EFCAB8: variants seen among roughly 807,000 people sequenced by gnomAD.
EFCAB8 encodes the protein EF-hand calcium-binding domain-containing protein 8.
EFCAB8 carries 100 observed loss-of-function variants against 116.3 expected under a neutral mutation model. The ratio of observed to expected loss-of-function variants is 0.86; its 90% CI spans 0.73 to 1.02. The LOEUF is 1.02. Among genes scored for constraint, EFCAB8 ranks in the 50% least tolerant of loss-of-function variants. The pLI, the probability that EFCAB8 is intolerant of heterozygous loss-of-function variation, is 0.00. For missense variants in EFCAB8, 1,320 were observed against 1,416.9 expected (o/e 0.93, Z 1.10); for synonymous variants, 558 against 567.9 (o/e 0.98, Z 0.25).
intron 22 of EFCAB8, among the ~76,000 whole-genome samples, chr20:32,932,482 G>A (rs1188025091): frequency 1.3e-5 from 2 of 152,150 alleles, no homozygotes; most frequent in Admixed American, 6.5e-5. Flanking sequence ...GGCTTACAGC[G>A]AAGAGTCTAA....
chr20:32,880,774 T>C (rs558948700), intron 5 of EFCAB8, among the ~76,000 whole-genome samples: 62 of 152,252 alleles, frequency 4.1e-4, no homozygotes, highest in African/African-American at 1.4e-3. Flanking sequence ...TGTTCAGCCA[T>C]AGGGAAGCTC....
intron 20 of EFCAB8, among the ~76,000 whole-genome samples, chr20:32,923,346 G>A (rs1034003862): frequency 3.3e-5 from 5 of 151,944 alleles, no homozygotes; most frequent in Non-Finnish European, 7.4e-5. Flanking sequence ...ATTAGCCAGG[G>A]GTGGCAGCAT....
At chr20:32,904,018 G>T (rs969934418) in intron 11 of EFCAB8, among the ~76,000 whole-genome samples, 5 of 151,960 alleles carry the variant, frequency 3.3e-5, no homozygotes, top group Admixed American at 2.6e-4. Flanking sequence ...GGATTTTTTG[G>T]GTTTTTTTTT....
intron 16 of EFCAB8, among the ~76,000 whole-genome samples, 198 bp from the exon 17 acceptor site, chr20:32,912,596 A>G (rs1216353116): frequency 6.6e-6 from 1 of 152,054 alleles, no homozygotes; most frequent in Non-Finnish European, 1.5e-5. Flanking sequence ...TGCCTACCCT[A>G]TCTCACTCCC....
chr20:32,944,118 AG>A (rs1188799144), intron 23 of EFCAB8, among the ~76,000 whole-genome samples: 1 of 152,198 alleles, frequency 6.6e-6, no homozygotes, highest in African/African-American at 2.4e-5. Context: ...ACAAACCAGA[AG>A]GGTTCAGCTT....
intron 5 of EFCAB8, among the ~76,000 whole-genome samples, chr20:32,879,955 T>C (rs150400786): frequency 4.4e-4 from 67 of 152,262 alleles, no homozygotes; most frequent in African/African-American, 1.5e-3. Flanking sequence ...CTGGACTCCC[T>C]AAGCATGAGG....
rs1468117888 is a variant in EFCAB8 at position 32,889,334 on chromosome 20, A to G, written c.601A>G (p.Met201Val). 1 of 1,551,720 alleles carries G rather than the reference A, an allele frequency of 6.4e-7. No homozygotes were observed. Among genetic ancestry groups the G allele is most frequent in the South Asian group, 1.2e-5 (1 of 84,054 alleles). Residue 201 changes from methionine to valine, a missense_variant, in exon 7 of 27, where the codon ATG becomes GTG. Coordinates refer to ENST00000400522, the MANE Select transcript of EFCAB8 (RefSeq NM_001143967.2). ...NQTQQLYNQP[M>V]WVIDMVCLHN... ...GACCCAGCAGCTCTACAACCAGCCG[A>G]TGTGGGTCATTGACATGGTATGTCT...
chr20:32,919,381 C>T (rs1044994208), intron 19 of EFCAB8, among the ~76,000 whole-genome samples: 5 of 152,154 alleles, frequency 3.3e-5, no homozygotes, highest in Admixed American at 1.3e-4. Context: ...TGCTGTAAGA[C>T]GTGTACACTT....
chr20:32,955,116 A>G (rs1048700615), intron 23 of EFCAB8, among the ~76,000 whole-genome samples: 6 of 152,204 alleles, frequency 3.9e-5, no homozygotes, highest in African/African-American at 1.4e-4. Context: ...AAGTGGAGAT[A>G]GAGCTGTATG....
intron 8 of EFCAB8, 35 bp downstream of exon 8, chr20:32,892,332 G>T (rs770927942): frequency 6.5e-7 from 1 of 1,544,072 alleles, no homozygotes; most frequent in African/African-American, 1.4e-5. Flanking sequence ...ACATGAACCA[G>T]GAGGCCCAGG....
At chr20:32,921,566 A>C (rs936505203) in intron 20 of EFCAB8, among the ~76,000 whole-genome samples, 3 of 152,080 alleles carry the variant, frequency 2.0e-5, no homozygotes, top group Admixed American at 6.6e-5. Context: ...AAGTAATAAT[A>C]CTAGTTTATA....
At chr20:32,878,665 G>C in intron 4 of EFCAB8, 39 bp from the exon 5 acceptor site, 3 of 1,505,778 alleles carry the variant, frequency 2.0e-6, no homozygotes, top group Non-Finnish European at 2.7e-6. Flanking sequence ...AGACCATTTT[G>C]CCAATACCCT....
chr20:32,897,552 C>A (rs958718123), intron 10 of EFCAB8, among the ~76,000 whole-genome samples: 10 of 151,828 alleles, frequency 6.6e-5, no homozygotes, highest in African/African-American at 2.4e-4. Context: ...AGGTGATCCT[C>A]CCACCTCAGG....
chr20:32,892,103 G>A (rs1985947577), intron 7 of EFCAB8, 110 bp from the exon 8 acceptor site: 1 of 966,230 alleles, frequency 1.0e-6, no homozygotes, highest in Non-Finnish European at 1.6e-6. Context: ...GGGGGAAAAA[G>A]GGCTGAAGGG....
intron 8 of EFCAB8, 89 bp downstream of exon 8, chr20:32,892,386 G>T: frequency 8.4e-7 from 1 of 1,194,622 alleles, no homozygotes; most frequent in Non-Finnish European, 1.2e-6. Flanking sequence ...GGGGCCCCCA[G>T]AAAGCCTCCT....
At chr20:32,900,412 G>C (rs1203938627) in intron 11 of EFCAB8, among the ~76,000 whole-genome samples, 1 of 152,100 alleles carries the variant, frequency 6.6e-6, no homozygotes, top group East Asian at 1.9e-4. Context: ...CCAGGCTGGA[G>C]TGCAGTGGCG....
chr20:32,889,974 A>G (rs375234149), intron 7 of EFCAB8, among the ~76,000 whole-genome samples: 1 of 147,156 alleles, frequency 6.8e-6, no homozygotes, highest in African/African-American at 2.5e-5. Context: ...GCACTCCAGC[A>G]TGGGCGACAG....
intron 6 of EFCAB8, among the ~76,000 whole-genome samples, chr20:32,887,017 G>A (rs1170236473): frequency 6.6e-6 from 1 of 152,126 alleles, no homozygotes; most frequent in Non-Finnish European, 1.5e-5. Context: ...CCAGCCCTGG[G>A]CAGGAGAGAG....
chr20:32,878,226 A>G (rs1283225374), intron 4 of EFCAB8, among the ~76,000 whole-genome samples: 4 of 151,506 alleles, frequency 2.6e-5, no homozygotes, highest in African/African-American at 9.7e-5. Context: ...TGATCACACC[A>G]TTGCACTCCA....
Sources: allele counts gnomAD v4.1 joint callset (sites outside exome capture counted in the v4.1 genomes callset), GRCh38; gene constraint gnomAD v4.1.1; transcripts MANE v1.5; gene names NCBI Gene and HGNC (gene_info 2026-07-23, HGNC 2026-07-21).